The following AOX1 variants were observed in gnomAD, a reference collection of about 807,000 sequenced individuals.
AOX1 encodes aldehyde oxidase 1, also known as aldehyde oxidase.
In AOX1, 153 loss-of-function variants were observed where a neutral mutation model predicts 169.5. The observed-to-expected ratio is 0.90, with a 90% confidence interval of 0.79 to 1.03. The LOEUF (loss-of-function observed/expected upper bound fraction) is 1.03, where lower values mean the gene tolerates loss of function less well. AOX1 is among the 50% of genes least tolerant of loss of function. The pLI, the probability that AOX1 is intolerant of heterozygous loss-of-function variation, is 0.00. For missense variants in AOX1, 1,656 were observed against 1,663.9 expected (o/e 1.00, Z 0.08); for synonymous variants, 562 against 581.9 (o/e 0.97, Z 0.49).
At chr2:200,606,265 G>A (rs1268685025) in intron 10 of AOX1, among the ~76,000 whole-genome samples, 3 of 152,080 alleles carry the variant, frequency 2.0e-5, no homozygotes, top group African/African-American at 7.2e-5. Context: ...GCTTGTTTTT[G>A]TCAAGTTTGT....
rs56916091 is a variant in AOX1 at position 200,659,786 on chromosome 2, T to TCACACA, written c.3301-175_3301-170dup. On this transcript the variant is annotated intron_variant, in intron 28 of 34. Transcript: ENST00000374700. The stretch of plus-strand genomic sequence containing the variant: ...TGGCTTACAAGGCCAGTTCTCTCTC[T>TCACACA]CACACACACACACACACACACACAC... Among the ~76,000 whole-genome samples the TCACACA allele has an allele frequency of 5.9e-3, 564 of 96,182 alleles. 3 individuals carry two copies. Among genetic ancestry groups the TCACACA allele is most frequent in the South Asian group, 8.1e-3 (24 of 2,956 alleles). The allele number at this position is 96,182 out of a possible 152,430, so 63.1% of individuals were successfully genotyped here.
At chr2:200,595,940 T>G (rs2034275349) in intron 3 of AOX1, among the ~76,000 whole-genome samples, 2 of 152,336 alleles carry the variant, frequency 1.3e-5, no homozygotes, top group South Asian at 4.1e-4. Flanking sequence ...GGCTTCCCAT[T>G]ATGTTTAACA....
At chr2:200,662,353 C>T (rs567474326) in intron 30 of AOX1, among the ~76,000 whole-genome samples, 1 of 152,244 alleles carries the variant, frequency 6.6e-6, no homozygotes, top group South Asian at 2.1e-4. Flanking sequence ...ATTTGATGTT[C>T]TTAAAGATTA....
rs2035378222 is a variant in AOX1 at position 200,642,789 on chromosome 2, A to T, written c.2835A>T (p.Leu945=). ...CGGAAGTTGCAGCCAAATGTGGACTATCCCCTGAGAAGGTAATACTAAATC... is the reference window on the plus strand; with the variant it reads ...CGGAAGTTGCAGCCAAATGTGGACTTTCCCCTGAGAAGGTAATACTAAATC... ...CITEVAAKCG[L]SPEKVRIINM... The change falls in exon 25 of 35, where the codon CTA becomes CTT. Residue 945 remains leucine (L), a synonymous_variant. Transcript: ENST00000374700. 6.2e-7 allele frequency: 1 copy of T among 1,613,138 alleles called. No homozygotes were observed. The highest frequency in any genetic ancestry group is 8.5e-7 in the Non-Finnish European group (1 of 1,179,538).
Position 200,670,748 on chromosome 2 carries a change from TG to T in AOX1, c.*71del. On this transcript the variant is annotated 3_prime_UTR_variant, in exon 35 of 35. Transcript: ENST00000374700. ...ATGGCAATCTGTCCTATCTCTGTGC[TG>T]GAAGATGCTAGATCTGAAAGACAGA... 8.0e-7 allele frequency: 1 copy of T among 1,244,314 alleles called. No homozygotes were observed. Among genetic ancestry groups the T allele is most frequent in the Non-Finnish European group, 1.2e-6 (1 of 857,174 alleles). 77.1% of individuals were successfully genotyped at this position (1,244,314 alleles called of 1,614,324 possible).
At chr2:200,593,125 C>T (rs778379880) in intron 1 of AOX1, 21 bp from the exon 2 acceptor site, 1 of 1,600,358 alleles carries the variant, frequency 6.2e-7, no homozygotes, top group Non-Finnish European at 8.6e-7. Flanking sequence ...TCAACTAACT[C>T]TTATTTTCCC....
intron 1 of AOX1, among the ~76,000 whole-genome samples, chr2:200,591,095 CTCATACCAAA>C (rs1559228365): frequency 6.6e-6 from 1 of 152,170 alleles, no homozygotes; most frequent in African/African-American, 2.4e-5. Flanking sequence ...TTCTTGGTAT[CTCATACCAAA>C]TCATACATAG....
chr2:200,628,396 T>C (rs992862325), intron 20 of AOX1, among the ~76,000 whole-genome samples: 45 of 106,132 alleles, frequency 4.2e-4, no homozygotes, highest in African/African-American at 1.8e-3. Context: ...ATGTCCTTTA[T>C]AGCAGAAAAA....
At chr2:200,645,570 G>A (rs768907436) in intron 25 of AOX1, among the ~76,000 whole-genome samples, 5 of 152,108 alleles carry the variant, frequency 3.3e-5, no homozygotes, top group Admixed American at 1.3e-4. Context: ...TTATTAGGGT[G>A]ATGCTGGCTT....
intron 9 of AOX1, among the ~76,000 whole-genome samples, chr2:200,605,296 G>T (rs1466336070): frequency 6.6e-6 from 1 of 152,154 alleles, no homozygotes; most frequent in Non-Finnish European, 1.5e-5. Context: ...TTCCCAGAGA[G>T]AATTTTGAAC....
chr2:200,639,273 G>A (rs76410817), intron 23 of AOX1, among the ~76,000 whole-genome samples: 16,383 of 152,190 alleles, frequency 0.11, 1,142 homozygotes, highest in Non-Finnish European at 0.16. Context: ...ACAGGGAAGC[G>A]AGAGAGAAGA....
intron 18 of AOX1, among the ~76,000 whole-genome samples, chr2:200,622,529 A>T (rs960900346): frequency 5.3e-5 from 8 of 152,224 alleles, no homozygotes; most frequent in Non-Finnish European, 1.0e-4. Flanking sequence ...TGAAAGCTTG[A>T]TGACTGAGAG....
intron 14 of AOX1, 95 bp from the exon 15 acceptor site, chr2:200,613,709 C>T (rs1409743980): frequency 7.3e-6 from 9 of 1,234,976 alleles, no homozygotes; most frequent in Admixed American, 2.5e-5. Flanking sequence ...CTCTTATTTC[C>T]TGTATTAAAC....
intron 15 of AOX1, among the ~76,000 whole-genome samples, chr2:200,615,734 A>G (rs1451519958): frequency 6.6e-6 from 1 of 152,204 alleles, no homozygotes; most frequent in Non-Finnish European, 1.5e-5. Flanking sequence ...GAAGCCAGTT[A>G]CCTACCGTAT....
intron 30 of AOX1, 141 bp from the exon 31 acceptor site, chr2:200,662,714 C>T (rs1384689954): frequency 1.8e-5 from 11 of 623,930 alleles, no homozygotes; most frequent in African/African-American, 7.3e-5. Context: ...ACACATTTAT[C>T]GCACATACAT....
intron 31 of AOX1, among the ~76,000 whole-genome samples, chr2:200,664,081 A>C (rs914355169): frequency 6.6e-6 from 1 of 152,022 alleles, no homozygotes; most frequent in African/African-American, 2.4e-5. Context: ...TAGCAGCCCT[A>C]CACTACTAGG....
intron 28 of AOX1, among the ~76,000 whole-genome samples, chr2:200,659,605 G>A (rs143336128): frequency 1.1e-3 from 167 of 152,272 alleles, no homozygotes; most frequent in Middle Eastern, 6.8e-3. Context: ...GCCGATGCAG[G>A]ACTTCTGTCT....
At chr2:200,597,971 G>A (rs2034322208) in intron 4 of AOX1, among the ~76,000 whole-genome samples, 1 of 152,146 alleles carries the variant, frequency 6.6e-6, no homozygotes, top group Non-Finnish European at 1.5e-5. Flanking sequence ...GTGGGGTGTG[G>A]TGGTGAGCAC....
chr2:200,666,587 G>A, intron 31 of AOX1, 100 bp from the exon 32 acceptor site: 1 of 640,346 alleles, frequency 1.6e-6, no homozygotes, highest in Non-Finnish European at 2.4e-6. Context: ...CTGAAAGAAA[G>A]GCTTTATACC....
Sources: gnomAD v4.1 joint callset for allele counts (sites outside exome capture counted in the v4.1 genomes callset) on GRCh38, gnomAD v4.1.1 for gene constraint, MANE v1.5 for transcripts, NCBI Gene and HGNC (gene_info 2026-07-23, HGNC 2026-07-21) for gene names.